Variants in CEP164 observed in about 807,000 individuals in gnomAD.
CEP164 encodes centrosomal protein of 164 kDa.
CEP164 carries 162 observed loss-of-function variants against 182.7 expected under a neutral mutation model. That is an observed-to-expected ratio of 0.89 (90% CI 0.78 to 1.01). CEP164 has a LOEUF of 1.01. Ranked by LOEUF, CEP164 falls within the 50% of genes least tolerant of loss-of-function variation. The pLI is 0.00. For synonymous variants in CEP164, 661 were observed against 690.0 expected, an observed-to-expected ratio of 0.96 and a Z score of 0.66; for missense variants, 1,735 against 1,790.4, an observed-to-expected ratio of 0.97 and a Z score of 0.56.
At chr11:117,407,479 A>AAG (rs1565629536) in intron 27 of CEP164, among the ~76,000 whole-genome samples, 6 of 148,512 alleles carry the variant, frequency 4.0e-5, no homozygotes, top group African/African-American at 1.5e-4. Context: ...AAAAAAAAAA[A>AAG]AGAGAAAAAG....
At chr11:117,373,691 A>G in intron 9 of CEP164, 60 bp from the exon 10 acceptor site, 1 of 1,447,278 alleles carries the variant, frequency 6.9e-7, no homozygotes, top group Non-Finnish European at 9.7e-7. Context: ...TTCCCTGGGT[A>G]GGGACCATGA....
Position 117,394,960 on chromosome 11 carries a change from G to C in CEP164, c.2801G>C (p.Arg934Thr). The C allele has an allele frequency of 6.2e-7, 1 of 1,614,178 alleles. No homozygotes were observed. Among genetic ancestry groups the C allele is most frequent in the Non-Finnish European group, 8.5e-7 (1 of 1,180,040 alleles). ...GATTTAGAGTTGGACCTTGAAACCA[G>C]AGCTAAAGATGTCAAGGCCAGATTG... ...LQDLELDLET[R>T]AKDVKARLAL... The change falls in exon 22 of 33, where the codon AGA becomes ACA. Residue 934 changes from arginine (R) to threonine (T), a missense_variant. By Grantham distance (71) the Arg-to-Thr change is moderately conservative. Coordinates refer to ENST00000278935, the MANE Select transcript of CEP164 (RefSeq NM_014956.5). The surrounding 1 kb of genome is among the most constrained non-coding windows in gnomAD (Gnocchi z 4.0).
chr11:117,346,182 A>T (rs1013441396), intron 4 of CEP164, among the ~76,000 whole-genome samples: 1 of 152,184 alleles, frequency 6.6e-6, no homozygotes, highest in Non-Finnish European at 1.5e-5. Flanking sequence ...GGCCAGCTGC[A>T]TACCAGCTTT....
At chr11:117,402,580 G>T (rs2046271126) in intron 27 of CEP164, among the ~76,000 whole-genome samples, 1 of 152,136 alleles carries the variant, frequency 6.6e-6, no homozygotes, top group African/African-American at 2.4e-5. Flanking sequence ...GAGACTGTTT[G>T]TTATGATTTC....
At chr11:117,331,154 A>G (rs895222354) in intron 1 of CEP164, among the ~76,000 whole-genome samples, 1 of 152,082 alleles carries the variant, frequency 6.6e-6, no homozygotes, top group Non-Finnish European at 1.5e-5. Context: ...GATGTGCAAA[A>G]CTCTAGCTAT....
intron 9 of CEP164, among the ~76,000 whole-genome samples, chr11:117,372,175 T>C (rs2042270813): frequency 6.7e-6 from 1 of 149,744 alleles, no homozygotes; most frequent in South Asian, 2.1e-4. Flanking sequence ...TGGTGCAATC[T>C]TGGCTCACTG....
At position 117,338,697 on chromosome 11, in the gene CEP164, G is replaced by A. The variant is rs374422706; in HGVS notation, c.82+29G>A. On this transcript the variant is annotated intron_variant, in intron 3 of 32. Transcript: ENST00000278935. The stretch of plus-strand genomic sequence containing the variant: ...ACAAGTCTGTGAAGAGGCCTGTGGT[G>A]TATTGTGTTTGTTTTTTGAGGACAG... 7.1e-4 allele frequency: 1,098 copies of A among 1,539,848 alleles called. 24 individuals carry two copies. In the South Asian group the frequency reaches 0.011, roughly 15 times the overall value.
At chr11:117,382,143 T>C (rs1210806435) in intron 13 of CEP164, among the ~76,000 whole-genome samples, 3 of 152,152 alleles carry the variant, frequency 2.0e-5, no homozygotes, top group Non-Finnish European at 4.4e-5. Flanking sequence ...TTAGAAACTC[T>C]TGAATAAGGA....
chr11:117,375,376 G>A (rs371931043), intron 10 of CEP164, among the ~76,000 whole-genome samples: 5 of 152,192 alleles, frequency 3.3e-5, no homozygotes, highest in African/African-American at 1.2e-4. Context: ...ATGAGGGAAA[G>A]AGTTTTAGTC....
chr11:117,363,170 T>C (rs956269042), intron 7 of CEP164, among the ~76,000 whole-genome samples: 5 of 152,226 alleles, frequency 3.3e-5, no homozygotes, highest in Admixed American at 6.5e-5. Flanking sequence ...AGCAGTCTAT[T>C]ATGTCTTCTA....
At chr11:117,323,726 C>T (rs1454941028), upstream of CEP164, 1 of 199,408 alleles carries the variant, frequency 5.0e-6, no homozygotes, top group Non-Finnish European at 1.1e-5. Flanking sequence ...TTTAAGTATT[C>T]CCTCTTCTCC....
At chr11:117,334,968 G>A (rs541125050) in intron 1 of CEP164, among the ~76,000 whole-genome samples, 6 of 152,194 alleles carry the variant, frequency 3.9e-5, no homozygotes, top group Non-Finnish European at 8.8e-5. Flanking sequence ...ACCTCGTATA[G>A]AGCACATGCT....
chr11:117,405,017 G>A (rs1033209394), intron 27 of CEP164, among the ~76,000 whole-genome samples: 33 of 152,154 alleles, frequency 2.2e-4, no homozygotes, highest in Admixed American at 1.8e-3. Context: ...CACCAAGCTC[G>A]GGCATCCCAG....
At chr11:117,354,207 G>A (rs1201188361) in intron 5 of CEP164, among the ~76,000 whole-genome samples, 1 of 151,932 alleles carries the variant, frequency 6.6e-6, no homozygotes, top group Non-Finnish European at 1.5e-5. Flanking sequence ...TAGTAGACAT[G>A]GGGTTTCACC....
chr11:117,361,219 G>A (rs578034456), intron 5 of CEP164, among the ~76,000 whole-genome samples: 24 of 139,494 alleles, frequency 1.7e-4, no homozygotes, highest in African/African-American at 6.1e-4. Flanking sequence ...ACAGGCGTGA[G>A]CCACTGCGCC....
upstream of CEP164, among the ~76,000 whole-genome samples, chr11:117,325,342 C>T (rs960437074): frequency 2.0e-5 from 3 of 152,156 alleles, no homozygotes; most frequent in Admixed American, 6.5e-5. Flanking sequence ...GCCTCACCCT[C>T]CCGAAGTGCT....
At chr11:117,356,127 C>A in intron 5 of CEP164, 1 of 1,038,928 alleles carries the variant, frequency 9.6e-7, no homozygotes, top group South Asian at 3.1e-5. Context: ...ATGGCTCAGT[C>A]AGACTCGGGT....
At chr11:117,352,599 T>G (rs570615800) in intron 5 of CEP164, among the ~76,000 whole-genome samples, 7 of 152,350 alleles carry the variant, frequency 4.6e-5, no homozygotes, top group Admixed American at 3.3e-4. Context: ...TGTTGTTGTT[T>G]TTTTTGAGAC....
chr11:117,355,494 T>G (rs573802080), intron 5 of CEP164: 5 of 1,289,370 alleles, frequency 3.9e-6, no homozygotes, highest in Admixed American at 2.3e-5. Context: ...TTAGCCAAAC[T>G]GAGCCCCACT....
Sources: gnomAD v4.1 joint callset for allele counts (sites outside exome capture counted in the v4.1 genomes callset) on GRCh38, gnomAD v4.1.1 for gene constraint, Gnocchi (gnomAD v3.1) non-coding constraint, MANE v1.5 for transcripts, NCBI Gene and HGNC (gene_info 2026-07-23, HGNC 2026-07-21) for gene names.